Variants in SBF2 observed in about 807,000 individuals in gnomAD.
SBF2 encodes the protein myotubularin-related protein 13.
In SBF2, 112 loss-of-function variants were observed where a neutral mutation model predicts 225.2. That is an observed-to-expected ratio of 0.50 (90% CI 0.43 to 0.58). SBF2 has a LOEUF of 0.58. SBF2 is among the 20% of genes least tolerant of loss of function. The pLI is 0.00. For missense variants in SBF2, 1,996 were observed against 2,206.2 expected (o/e 0.90, Z 1.91); for synonymous variants, 763 against 773.3 (o/e 0.99, Z 0.22).
chr11:10,063,868 G>C, intron 2 of SBF2, among the ~76,000 whole-genome samples: 1 of 150,528 alleles, frequency 6.6e-6, no homozygotes, highest in Non-Finnish European at 1.5e-5. Flanking sequence ...CAGAGAGAGA[G>C]AGAGAGAGAG....
intron 32 of SBF2, among the ~76,000 whole-genome samples, chr11:9,806,067 G>C (rs567410199): frequency 4.6e-5 from 7 of 152,280 alleles, no homozygotes; most frequent in African/African-American, 1.7e-4. Context: ...AGATACTAGG[G>C]ATATGAAGAC....
chr11:9,786,792 C>T (rs1415274271), intron 36 of SBF2, among the ~76,000 whole-genome samples: 1 of 152,202 alleles, frequency 6.6e-6, no homozygotes, highest in Non-Finnish European at 1.5e-5. Context: ...CTGTACTAAG[C>T]ACAGACCCTT....
At chr11:10,026,195 C>G (rs1053497141) in intron 6 of SBF2, among the ~76,000 whole-genome samples, 5 of 152,092 alleles carry the variant, frequency 3.3e-5, no homozygotes, top group African/African-American at 1.2e-4. Flanking sequence ...CATGGTAAAA[C>G]TAAGACCACA....
intron 6 of SBF2, among the ~76,000 whole-genome samples, chr11:10,023,161 A>C (rs1375940833): frequency 1.3e-5 from 2 of 152,134 alleles, no homozygotes; most frequent in Non-Finnish European, 2.9e-5. Context: ...TTTATTGATA[A>C]ATTTTCAAGA....
rs1281958301 is a variant in SBF2 at position 9,834,944 on chromosome 11, A to G, written c.3456-2524T>C. On this transcript the variant is annotated intron_variant, in intron 26 of 39. Transcript: ENST00000256190. Reference sequence around the variant, plus strand: ...CCATCCTCTGTTACATACAAGATCTATGGCTCTCTCCTGCTTCCTGACATG... The same window carrying G: ...CCATCCTCTGTTACATACAAGATCTGTGGCTCTCTCCTGCTTCCTGACATG... Among the ~76,000 whole-genome samples, 3 of 152,134 alleles carry G rather than the reference A, an allele frequency of 2.0e-5. 1 individual carries two copies. Among genetic ancestry groups the G allele is most frequent in the African/African-American group, 7.2e-5 (3 of 41,426 alleles).
At chr11:9,877,573 T>C (rs1032808048) in intron 17 of SBF2, among the ~76,000 whole-genome samples, 1 of 151,800 alleles carries the variant, frequency 6.6e-6, no homozygotes, top group Non-Finnish European at 1.5e-5. Context: ...CAGGCCCCAG[T>C]GTGTGACGTT....
At chr11:9,957,209 T>C (rs1335350591) in intron 16 of SBF2, 1 of 152,186 alleles carries the variant, frequency 6.6e-6, no homozygotes. Context: ...GCTAGTAACA[T>C]GTCGTCTGTT....
At chr11:10,175,083 C>A (rs1227596839) in intron 2 of SBF2, among the ~76,000 whole-genome samples, 1 of 151,610 alleles carries the variant, frequency 6.6e-6, no homozygotes. Flanking sequence ...ACCATCGAGA[C>A]TAGGAAGAAA....
chr11:10,259,993 C>G (rs993272668), intron 1 of SBF2, among the ~76,000 whole-genome samples: 1 of 152,100 alleles, frequency 6.6e-6, no homozygotes, highest in Non-Finnish European at 1.5e-5. Context: ...AATTTCACTC[C>G]ATATATTCGA....
Position 9,812,680 on chromosome 11 carries a change from C to T in SBF2, c.4007G>A (p.Cys1336Tyr), listed in dbSNP as rs769472252. 6.2e-7 allele frequency: 1 copy of T among 1,614,160 alleles called. No individual in the cohort carries two copies. Among genetic ancestry groups the T allele is most frequent in the Admixed American group, 1.7e-5 (1 of 60,020 alleles). Residue 1336 changes from cysteine to tyrosine, a missense_variant, in exon 30 of 40, where the codon TGT becomes TAT. Coordinates refer to ENST00000256190, the MANE Select transcript of SBF2 (RefSeq NM_030962.4). ...RNFKVEFALN[C>Y]EFVPVEFHEI... The stretch of plus-strand genomic sequence containing the variant: ...ATGAAATTCAACAGGAACAAACTCA[C>T]AATTTAAAGCAAATTCTACCTTGAA...
chr11:10,166,495 T>C (rs1023480733), intron 2 of SBF2, among the ~76,000 whole-genome samples: 1 of 152,148 alleles, frequency 6.6e-6, no homozygotes, highest in African/African-American at 2.4e-5. Context: ...ATTAGTAATC[T>C]TAAAGGATAA....
chr11:10,267,580 C>A (rs769248597), intron 1 of SBF2, among the ~76,000 whole-genome samples: 12 of 151,926 alleles, frequency 7.9e-5, no homozygotes, highest in Non-Finnish European at 1.6e-4. Context: ...CTTGAACATG[C>A]TGCATTTTCT....
intron 1 of SBF2, among the ~76,000 whole-genome samples, chr11:10,218,331 C>G (rs911718263): frequency 1.0e-5 from 1 of 95,722 alleles, no homozygotes; most frequent in African/African-American, 3.7e-5. Flanking sequence ...CCCCCCCCCC[C>G]ACCCAATGAT....
At position 9,887,399 on chromosome 11, in the gene SBF2, A is replaced by G. The variant is rs532151190; in HGVS notation, c.1929+8544T>C. Among the ~76,000 whole-genome samples, 27 of 152,266 alleles carry G rather than the reference A, an allele frequency of 1.8e-4. No individual in the cohort carries two copies. The South Asian group carries it at 5.6e-3, about 32-fold the overall frequency. ...GAACATTAGTTCTAAACTAATTATAATAATTCATAGTTTCTCAGAAGCAGA... is the reference window on the plus strand; with the variant it reads ...GAACATTAGTTCTAAACTAATTATAGTAATTCATAGTTTCTCAGAAGCAGA... On this transcript the variant is annotated intron_variant, in intron 17 of 39. Transcript: ENST00000256190.
intron 27 of SBF2, among the ~76,000 whole-genome samples, chr11:9,831,909 A>G (rs1164919752): frequency 6.6e-6 from 1 of 152,212 alleles, no homozygotes; most frequent in Non-Finnish European, 1.5e-5. Context: ...AAAGATTGGT[A>G]TAACCTAGTT....
At chr11:9,849,991 T>C (rs1348710883) in intron 22 of SBF2, 32 bp downstream of exon 22, 5 of 1,585,022 alleles carry the variant, frequency 3.2e-6, no homozygotes, top group Non-Finnish European at 1.7e-6. Flanking sequence ...ACCACACAGA[T>C]ACCCATGTTC....
chr11:10,269,469 G>T (rs913729010), intron 1 of SBF2, among the ~76,000 whole-genome samples: 1 of 152,208 alleles, frequency 6.6e-6, no homozygotes, highest in Non-Finnish European at 1.5e-5. Context: ...AGGAAGGGAT[G>T]CCAGGAAGAA....
rs756848774 is a variant in SBF2 at position 9,839,638 on chromosome 11, T to G, written c.3315A>C (p.Thr1105=). The change falls in exon 26 of 40, where the codon ACA becomes ACC. Residue 1105 remains threonine, a synonymous_variant. Transcript: ENST00000256190. ...AAGCTTTTTCCACCAACTGTTCCAT[T>G]GTAGACTTCTCGGAGGCCTTCAGGG... ...STTLKASEKS[T]MEQLVEKACF... The G allele has an allele frequency of 6.2e-7, 1 of 1,614,176 alleles. No individual in the cohort carries two copies. Among genetic ancestry groups the G allele is most frequent in the African/African-American group, 1.3e-5 (1 of 75,036 alleles).
intron 33 of SBF2, among the ~76,000 whole-genome samples, chr11:9,791,920 GAACC>G (rs1230114754): frequency 1.3e-5 from 2 of 152,164 alleles, no homozygotes. Context: ...CTTGTAATTG[GAACC>G]AAGTCCAATG....
Sources: allele counts gnomAD v4.1 joint callset (sites outside exome capture counted in the v4.1 genomes callset), GRCh38; gene constraint gnomAD v4.1.1; transcripts MANE v1.5; gene names NCBI Gene and HGNC (gene_info 2026-07-23, HGNC 2026-07-21).